Variants in SRP68 observed in about 807,000 individuals in gnomAD.
The protein encoded by SRP68 is signal recognition particle subunit SRP68.
A neutral mutation model predicts 82.2 loss-of-function variants in SRP68; 15 were observed. The observed-to-expected ratio is 0.18, with a 90% CI of 0.12 to 0.28. SRP68 has a LOEUF of 0.28. SRP68 is among the 10% of genes least tolerant of loss of function. The probability of loss-of-function intolerance (pLI) is 1.00; values close to 1 mark genes in which losing one functional copy is unlikely to be tolerated. For synonymous variants in SRP68, 261 were observed against 292.6 expected, an observed-to-expected ratio of 0.89 and a Z score of 1.10; for missense variants, 595 against 780.5, an observed-to-expected ratio of 0.76 and a Z score of 2.83.
Position 76,043,901 on chromosome 17 carries a change from G to A in SRP68, c.1452C>T (p.Val484=), listed in dbSNP as rs879160545. The part of the protein sequence containing the change: ...VLVKKWSEAL[V]LYDRVLKYAN... ...CATATTTCAGGACTCTGTCATACAGGACAAGGGCTTCGCTCCACTTCTTCA... is the reference window on the plus strand; with the variant it reads ...CATATTTCAGGACTCTGTCATACAGAACAAGGGCTTCGCTCCACTTCTTCA... Residue 484 remains valine, a synonymous_variant, in exon 13 of 16, where the codon GTC becomes GTT. Coordinates refer to ENST00000307877, the MANE Select transcript of SRP68 (RefSeq NM_014230.4). 1.2e-6 allele frequency: 2 copies of A among 1,611,582 alleles called. No individual in the cohort carries two copies. Among genetic ancestry groups the A allele is most frequent in the Admixed American group, 3.4e-5 (2 of 59,216 alleles).
Position 76,053,680 on chromosome 17 carries a change from C to A in SRP68, c.979-3154G>T, listed in dbSNP as rs189791007. On this transcript the variant is annotated intron_variant, in intron 8 of 15. Coordinates refer to ENST00000307877, the MANE Select transcript of SRP68 (RefSeq NM_014230.4). ...TCGATTTGAAGGGCGGGACTTAAGTCAGTTGTGTTTTTCTTACGACGCCCA... is the reference window on the plus strand; with the variant it reads ...TCGATTTGAAGGGCGGGACTTAAGTAAGTTGTGTTTTTCTTACGACGCCCA... The A allele has an allele frequency of 2.9e-4, 290 of 983,302 alleles. 2 individuals carry two copies. In the African/African-American group the frequency reaches 4.9e-3, roughly 17 times the overall value. The allele number at this position is 983,302 out of a possible 1,614,324, so 60.9% of individuals were successfully genotyped here. A position where few individuals can be genotyped will look rare whatever the true frequency, so the allele number is the denominator to read the frequency against.
Position 76,072,177 on chromosome 17 carries a change from G to A in SRP68, c.184+131C>T. The A allele has an allele frequency of 6.5e-7, 1 of 1,536,982 alleles. No homozygotes were observed. The highest frequency in any genetic ancestry group is 1.2e-5 in the South Asian group (1 of 83,414). ...CCCCCGGAATTCTGAGCACCAAAAG[G>A]TAAGGGCGAGAGAAACTGCAACCCT... On this transcript the variant is annotated intron_variant, in intron 1 of 15. Coordinates refer to ENST00000307877, the MANE Select transcript of SRP68 (RefSeq NM_014230.4). This position sits in a 1 kb window ranked among gnomAD's most constrained non-coding sequence, Gnocchi z 4.5.
In SRP68 at chr17:76,064,082, C is replaced by T. The variant is rs778532040; in HGVS notation, c.455G>A (p.Arg152Gln). The change falls in exon 4 of 16, where the codon CGG becomes CAG. Residue 152 changes from arginine (R) to glutamine (Q), a missense_variant. Physicochemically the swap from Arg to Gln is conservative, Grantham distance 43. This residue lies in a region of SRP68 where 495 missense variants were observed against 688.6 expected (regional missense o/e 0.72). Coordinates refer to ENST00000307877, the MANE Select transcript of SRP68 (RefSeq NM_014230.4). Reference protein sequence around the residue: ...KQEANTEPRKRFHLLSRLRKA... With the variant: ...KQEANTEPRKQFHLLSRLRKA... ...GCGTAGGCGAGATAACAAGTGAAAC[C>T]GTTTTCGGGGTTCAGTGTTGGCTTC... 2.3e-5 allele frequency: 37 copies of T among 1,614,078 alleles called. No homozygotes were observed. The highest frequency in any genetic ancestry group is 4.0e-5 in the African/African-American group (3 of 74,918).
At position 76,045,281 on chromosome 17, in the gene SRP68, T is replaced by C. The variant is rs375477150; in HGVS notation, c.1394+11A>G. ...AGGCGGAGGAAAACTGCCCATCCCATGGGACGTTACCTGTAAGCTTTGAAC... is the reference window on the plus strand; with the variant it reads ...AGGCGGAGGAAAACTGCCCATCCCACGGGACGTTACCTGTAAGCTTTGAAC... On this transcript the variant is annotated intron_variant, in intron 12 of 15. Coordinates refer to ENST00000307877, the MANE Select transcript of SRP68 (RefSeq NM_014230.4). The C allele has an allele frequency of 2.5e-6, 4 of 1,610,330 alleles. No individual in the cohort carries two copies. Among genetic ancestry groups the C allele is most frequent in the Non-Finnish European group, 3.4e-6 (4 of 1,177,118 alleles).
rs780602963 is a variant in SRP68, at chr17:76,061,131, G to C, written c.733C>G (p.Arg245Gly). 1 of 1,611,746 alleles carries C rather than the reference G, an allele frequency of 6.2e-7. No individual in the cohort carries two copies. The highest frequency in any genetic ancestry group is 8.5e-7 in the Non-Finnish European group (1 of 1,177,858). The change falls in exon 6 of 16, where the codon CGC becomes GGC. Residue 245 changes from arginine (R) to glycine (G), a missense_variant. By Grantham distance (125) the Arg-to-Gly change is moderately radical. Around this residue, in one of 2 missense-constraint regions of SRP68, gnomAD observed 495 missense variants for 688.6 expected, o/e 0.72. Transcript: ENST00000307877. ...QRVEEISPNIRYCAYNIGDQS... is the reference protein window; with the variant it reads ...QRVEEISPNIGYCAYNIGDQS... Reference sequence around the variant, plus strand: ...TCACCAATATTATATGCACAATAGCGGATGTTGGGTGAAATCTCTTCCACA... The same window carrying C: ...TCACCAATATTATATGCACAATAGCCGATGTTGGGTGAAATCTCTTCCACA...
rs775234181 is a variant in SRP68 at position 76,061,247 on chromosome 17, C to T, written c.645-28G>A. 2.7e-6 allele frequency: 4 copies of T among 1,489,744 alleles called. No homozygotes were observed. In the South Asian group the frequency reaches 3.4e-5, roughly 13 times the overall value. 92.3% of individuals were successfully genotyped at this position (1,489,744 alleles called of 1,614,324 possible). A position where few individuals can be genotyped will look rare whatever the true frequency, so the allele number is the denominator to read the frequency against. ...GCGAGAAAAGAAAAGCCAGGTTTTA[C>T]ATCAGCCTTATATAAGAAAAACTCA... On this transcript the variant is annotated intron_variant, in intron 5 of 15. Transcript: ENST00000307877.
intron 15 of SRP68, among the ~76,000 whole-genome samples, 197 bp downstream of exon 15, chr17:76,040,222 G>T (rs997364296): frequency 3.3e-5 from 5 of 152,210 alleles, no homozygotes; most frequent in African/African-American, 1.2e-4. Flanking sequence ...ACAGCAACAG[G>T]TTCCTCAACC....
At chr17:76,042,138 C>T (rs2066595831) in intron 13 of SRP68, among the ~76,000 whole-genome samples, 1 of 152,018 alleles carries the variant, frequency 6.6e-6, no homozygotes, top group Non-Finnish European at 1.5e-5. Context: ...CCCGCCTCGG[C>T]CTCCCACAGT....
intron 2 of SRP68, among the ~76,000 whole-genome samples, chr17:76,069,450 C>A (rs2066832056): frequency 6.6e-6 from 1 of 151,936 alleles, no homozygotes; most frequent in African/African-American, 2.4e-5. Flanking sequence ...CACATTGGCT[C>A]ACACCCGTAA....
Position 76,040,861 on chromosome 17 carries a change from G to A in SRP68, c.1600+42C>T, listed in dbSNP as rs77856216. ...GTGTGACAGAGAAGGGGAGTGGCAGGAAGGGAAGTCTGGGGATACAAAGGC... is the reference window on the plus strand; with the variant it reads ...GTGTGACAGAGAAGGGGAGTGGCAGAAAGGGAAGTCTGGGGATACAAAGGC... On this transcript the variant is annotated intron_variant, in intron 14 of 15. Transcript: ENST00000307877. The A allele has an allele frequency of 3.8e-6, 6 of 1,581,432 alleles. No individual in the cohort carries two copies. The East Asian group carries it at 6.7e-5, about 18-fold the overall frequency.
chr17:76,066,873 G>A (rs796143065), intron 3 of SRP68, among the ~76,000 whole-genome samples: 27 of 151,962 alleles, frequency 1.8e-4, no homozygotes, highest in African/African-American at 6.0e-4. Flanking sequence ...GATTACAGGC[G>A]CCTGCCACCA....
At chr17:76,064,569 G>A (rs1461955725) in intron 3 of SRP68, among the ~76,000 whole-genome samples, 2 of 152,096 alleles carry the variant, frequency 1.3e-5, no homozygotes, top group African/African-American at 2.4e-5. Flanking sequence ...GCCTAGGTGC[G>A]GTGGTTCACA....
chr17:76,064,213 A>T, intron 3 of SRP68, 42 bp from the exon 4 acceptor site: 1 of 1,562,832 alleles, frequency 6.4e-7, no homozygotes, highest in Non-Finnish European at 8.8e-7. Flanking sequence ...AAGGCCATCA[A>T]CAGACCCAGA....
chr17:76,060,499 T>C, intron 6 of SRP68, 109 bp from the exon 7 acceptor site: 5 of 708,800 alleles, frequency 7.1e-6, no homozygotes, highest in Non-Finnish European at 2.5e-6. Context: ...GCTACTTCAA[T>C]GAATCTGCAG....
intron 6 of SRP68, chr17:76,060,877 C>A: frequency 2.0e-6 from 1 of 497,140 alleles, no homozygotes; most frequent in South Asian, 2.7e-5. Flanking sequence ...CAAGACTGCT[C>A]TTCGGGGGTA....
chr17:76,055,756 A>G (rs1451072297), intron 8 of SRP68, among the ~76,000 whole-genome samples: 2 of 143,320 alleles, frequency 1.4e-5, no homozygotes. Context: ...TCTGTCTTTA[A>G]AAAAAAAAAA....
chr17:76,066,688 G>A (rs1276476684), intron 3 of SRP68, among the ~76,000 whole-genome samples: 2 of 149,992 alleles, frequency 1.3e-5, no homozygotes, highest in East Asian at 3.9e-4. Context: ...CAGAGACAGA[G>A]GAAGGGGGGC....
chr17:76,066,753 G>A (rs2066810311), intron 3 of SRP68, among the ~76,000 whole-genome samples: 1 of 150,510 alleles, frequency 6.6e-6, no homozygotes, highest in South Asian at 2.1e-4. Context: ...TTGAGATGGA[G>A]TGTCACTCTT....
At chr17:76,051,227 G>A (rs2144498511) in intron 8 of SRP68, among the ~76,000 whole-genome samples, 1 of 152,326 alleles carries the variant, frequency 6.6e-6, no homozygotes, top group African/African-American at 2.4e-5. Context: ...AGTACTGGGT[G>A]TCACCTGTCT....
Sources: allele counts gnomAD v4.1 joint callset (sites outside exome capture counted in the v4.1 genomes callset), GRCh38; gene constraint gnomAD v4.1.1; regional missense constraint gnomAD v4.1.1; non-coding constraint Gnocchi (gnomAD v3.1); transcripts MANE v1.5; gene names NCBI Gene and HGNC (gene_info 2026-07-23, HGNC 2026-07-21).